The following RBFOX1 variants were observed in gnomAD, a reference collection of about 807,000 sequenced individuals.
The protein encoded by RBFOX1 is RNA binding protein fox-1 homolog 1.
A neutral mutation model predicts 57.7 loss-of-function variants in RBFOX1; 8 were observed. That is an observed-to-expected ratio of 0.14 (90% CI 0.08 to 0.25). RBFOX1 has a LOEUF of 0.25. RBFOX1 is among the 10% of genes least tolerant of loss of function. The pLI is 1.00. For missense variants in RBFOX1, 611 were observed against 548.5 expected (o/e 1.11, Z -1.14); for synonymous variants, 326 against 222.4 (o/e 1.47, Z -4.15).
intron 5 of RBFOX1, among the ~76,000 whole-genome samples, chr16:7,537,332 A>T (rs531587588): frequency 6.6e-6 from 1 of 152,252 alleles, no homozygotes; most frequent in East Asian, 1.9e-4. Context: ...CTTTTGTGAC[A>T]ATTTGGGACG....
chr16:5,374,783 G>A (rs913759479), intron 1 of RBFOX1, among the ~76,000 whole-genome samples: 3 of 151,272 alleles, frequency 2.0e-5, no homozygotes, highest in Admixed American at 2.0e-4. Flanking sequence ...GTGTGAAAAC[G>A]ATATAATATT....
chr16:6,467,473 G>C (rs924074500), intron 2 of RBFOX1, among the ~76,000 whole-genome samples: 2 of 152,002 alleles, frequency 1.3e-5, no homozygotes, highest in Non-Finnish European at 2.9e-5. Flanking sequence ...ATAGTAGCTG[G>C]GTTTTCCAAA....
chr16:6,697,133 T>C (rs1239077871), intron 3 of RBFOX1, among the ~76,000 whole-genome samples: 1 of 152,206 alleles, frequency 6.6e-6, no homozygotes, highest in Non-Finnish European at 1.5e-5. Context: ...CTTGAAGATA[T>C]TCAGGGATTG....
At chr16:7,532,218 A>G (rs2080272901) in intron 5 of RBFOX1, among the ~76,000 whole-genome samples, 1 of 150,082 alleles carries the variant, frequency 6.7e-6, no homozygotes, top group Non-Finnish European at 1.5e-5. Flanking sequence ...TCTTCCCTCT[A>G]ATTGGCTTGC....
intron 2 of RBFOX1, among the ~76,000 whole-genome samples, chr16:6,564,285 A>G (rs2097224331): frequency 6.6e-6 from 1 of 152,152 alleles, no homozygotes; most frequent in African/African-American, 2.4e-5. Context: ...TTTAATGAAA[A>G]TATGTGGCAG....
chr16:7,490,911 T>C (rs1393574318), intron 4 of RBFOX1, among the ~76,000 whole-genome samples: 2 of 152,204 alleles, frequency 1.3e-5, no homozygotes, highest in Admixed American at 6.5e-5. Flanking sequence ...TAAGGATACA[T>C]AGATTCTTAG....
intron 3 of RBFOX1, among the ~76,000 whole-genome samples, chr16:5,721,441 A>G (rs963236056): frequency 6.6e-6 from 1 of 152,082 alleles, no homozygotes; most frequent in Non-Finnish European, 1.5e-5. Context: ...TTCCTTTCCA[A>G]GCCGGATGCC....
At chr16:6,155,105 T>C (rs1419226471) in intron 1 of RBFOX1, among the ~76,000 whole-genome samples, 2 of 152,202 alleles carry the variant, frequency 1.3e-5, no homozygotes, top group Non-Finnish European at 2.9e-5. Context: ...TTGTTTAGTG[T>C]TTCTATATAC....
chr16:6,878,451 A>T (rs1020667519), intron 3 of RBFOX1, among the ~76,000 whole-genome samples: 2 of 152,198 alleles, frequency 1.3e-5, no homozygotes, highest in African/African-American at 4.8e-5. Flanking sequence ...GAGAAGCAAC[A>T]CCACCCTGTC....
chr16:6,881,222 G>A (rs1164209633), intron 3 of RBFOX1, among the ~76,000 whole-genome samples: 1 of 152,198 alleles, frequency 6.6e-6, no homozygotes, highest in Non-Finnish European at 1.5e-5. Context: ...CCAGGAGTCT[G>A]AGCATGAATT....
intron 5 of RBFOX1, among the ~76,000 whole-genome samples, chr16:7,551,086 C>G (rs1301240436): frequency 9.2e-6 from 1 of 108,190 alleles, no homozygotes; most frequent in Non-Finnish European, 1.8e-5. Context: ...AAGAGCGAGA[C>G]TCAAAAAAAA....
intron 3 of RBFOX1, among the ~76,000 whole-genome samples, chr16:6,658,739 C>G (rs764603580): frequency 1.3e-5 from 2 of 151,920 alleles, no homozygotes; most frequent in African/African-American, 4.8e-5. Context: ...TGGAGTGTGG[C>G]TTTATGTTTT....
intron 1 of RBFOX1, among the ~76,000 whole-genome samples, chr16:5,448,051 C>T (rs1383144508): frequency 1.3e-5 from 2 of 152,088 alleles, no homozygotes; most frequent in African/African-American, 2.4e-5. Flanking sequence ...AACAGGCTAT[C>T]ATGGGAAGTG....
intron 1 of RBFOX1, among the ~76,000 whole-genome samples, chr16:6,086,495 G>A (rs952926445): frequency 8.7e-6 from 1 of 114,790 alleles, no homozygotes; most frequent in Non-Finnish European, 2.2e-5. Flanking sequence ...CCCGTTCATT[G>A]AGGCCTGAGT....
At chr16:6,607,886 A>G (rs528453815) in intron 2 of RBFOX1, among the ~76,000 whole-genome samples, 1 of 152,306 alleles carries the variant, frequency 6.6e-6, no homozygotes, top group South Asian at 2.1e-4. Flanking sequence ...TTTGTCCACA[A>G]ACCTCCTTGT....
At chr16:7,165,791 G>A (rs879112704) in intron 4 of RBFOX1, among the ~76,000 whole-genome samples, 1 of 151,980 alleles carries the variant, frequency 6.6e-6, no homozygotes, top group African/African-American at 2.4e-5. Flanking sequence ...ACTCTGAATA[G>A]GGTGGGGATG....
At chr16:6,927,906 A>G (rs552396300) in intron 3 of RBFOX1, among the ~76,000 whole-genome samples, 1 of 152,222 alleles carries the variant, frequency 6.6e-6, no homozygotes, top group Non-Finnish European at 1.5e-5. Flanking sequence ...AACATCATCT[A>G]AACACTAAAT....
intron 1 of RBFOX1, among the ~76,000 whole-genome samples, chr16:6,207,667 G>T (rs984141555): frequency 6.6e-6 from 1 of 152,074 alleles, no homozygotes; most frequent in African/African-American, 2.4e-5. Flanking sequence ...ATTGTAGAAA[G>T]GTGACAGTAG....
intron 4 of RBFOX1, among the ~76,000 whole-genome samples, chr16:7,452,132 A>T (rs905106980): frequency 5.9e-5 from 9 of 152,208 alleles, no homozygotes; most frequent in African/African-American, 2.2e-4. Flanking sequence ...AAACAGAGGA[A>T]CATCACTACT....
Sources: gnomAD v4.1 joint callset for allele counts (sites outside exome capture counted in the v4.1 genomes callset) on GRCh38, gnomAD v4.1.1 for gene constraint, MANE v1.5 for transcripts, NCBI Gene and HGNC (gene_info 2026-07-23, HGNC 2026-07-21) for gene names.